FAM135B: variants seen among roughly 807,000 people sequenced by gnomAD.
The protein encoded by FAM135B is protein FAM135B.
In FAM135B, 43 loss-of-function variants were observed where a neutral mutation model predicts 127.7. That is an observed-to-expected ratio of 0.34 (90% CI 0.26 to 0.43). The LOEUF (loss-of-function observed/expected upper bound fraction) is 0.43. Ranked by LOEUF, FAM135B falls within the 20% of genes least tolerant of loss-of-function variation. The pLI, the probability that FAM135B is intolerant of heterozygous loss-of-function variation, is 1.00. For missense variants in FAM135B, 1,558 were observed against 1,725.6 expected (o/e 0.90, Z 1.72); for synonymous variants, 670 against 665.1 (o/e 1.01, Z -0.11).
intron 7 of FAM135B, among the ~76,000 whole-genome samples, chr8:138,201,847 T>C (rs1817145601): frequency 6.6e-6 from 1 of 152,154 alleles, no homozygotes; most frequent in African/African-American, 2.4e-5. Context: ...ACCTCTCCAC[T>C]GAGTGCAGTG....
chr8:138,431,149 C>T (rs1306950469), intron 1 of FAM135B, among the ~76,000 whole-genome samples: 1 of 152,140 alleles, frequency 6.6e-6, no homozygotes, highest in African/African-American at 2.4e-5. Context: ...TGGGGAAAAT[C>T]AAACTAAAAT....
chr8:138,441,846 A>G (rs1447551029), intron 1 of FAM135B: 1 of 152,012 alleles, frequency 6.6e-6, no homozygotes, highest in South Asian at 2.1e-4. Context: ...GAAGACTCAA[A>G]GAGTGCAGTC....
chr8:138,185,169 T>C (rs2131034764), intron 9 of FAM135B, among the ~76,000 whole-genome samples: 1 of 152,158 alleles, frequency 6.6e-6, no homozygotes, highest in South Asian at 2.1e-4. Flanking sequence ...GTTTCCCCAC[T>C]AGGAATCAGG....
chr8:138,385,508 G>T (rs1832143247), intron 1 of FAM135B, among the ~76,000 whole-genome samples: 1 of 152,132 alleles, frequency 6.6e-6, no homozygotes, highest in African/African-American at 2.4e-5. Context: ...CATTGAGAAA[G>T]AACATATTTA....
intron 1 of FAM135B, among the ~76,000 whole-genome samples, chr8:138,405,027 C>T (rs1304414): frequency 0.4 from 60,608 of 151,842 alleles, 12,561 homozygotes; most frequent in African/African-American, 0.52. Context: ...GGAATCACTA[C>T]CTATTGCAGC....
At chr8:138,250,189 C>A (rs1258610473) in intron 6 of FAM135B, among the ~76,000 whole-genome samples, 1 of 151,934 alleles carries the variant, frequency 6.6e-6, no homozygotes, top group African/African-American at 2.4e-5. Flanking sequence ...CCCGTCTCTA[C>A]TAAAAATACA....
chr8:138,378,686 T>G (rs16909021), intron 1 of FAM135B, among the ~76,000 whole-genome samples: 1 of 151,926 alleles, frequency 6.6e-6, no homozygotes, highest in Admixed American at 6.6e-5. Context: ...TGTTGAAAAG[T>G]ATTTTCTTTC....
intron 12 of FAM135B, among the ~76,000 whole-genome samples, chr8:138,166,150 T>G (rs1819899032): frequency 6.6e-6 from 1 of 152,174 alleles, no homozygotes; most frequent in Non-Finnish European, 1.5e-5. Context: ...TGCCTCAGAT[T>G]CTCTCTGTGG....
At chr8:138,395,868 A>G (rs1832824080) in intron 1 of FAM135B, among the ~76,000 whole-genome samples, 1 of 152,174 alleles carries the variant, frequency 6.6e-6, no homozygotes, top group Admixed American at 6.5e-5. Flanking sequence ...TACCTTCTTT[A>G]TATGTCTGTG....
intron 6 of FAM135B, among the ~76,000 whole-genome samples, chr8:138,250,245 C>T (rs1454480817): frequency 7.9e-5 from 12 of 151,954 alleles, no homozygotes; most frequent in African/African-American, 2.9e-4. Context: ...CCCAGCCACT[C>T]GGGAGGCTGA....
chr8:138,249,787 C>A (rs894836956), intron 6 of FAM135B, among the ~76,000 whole-genome samples: 16 of 152,308 alleles, frequency 1.1e-4, no homozygotes, highest in African/African-American at 3.6e-4. Context: ...AAAGGGAAAT[C>A]AGGAAAGATC....
chr8:138,387,543 C>T (rs573727465), intron 1 of FAM135B, among the ~76,000 whole-genome samples: 2 of 152,292 alleles, frequency 1.3e-5, no homozygotes, highest in East Asian at 3.9e-4. Context: ...ACCTCACATT[C>T]TCCCATTGGA....
At chr8:138,303,962 C>T (rs1826060454) in intron 3 of FAM135B, among the ~76,000 whole-genome samples, 1 of 152,190 alleles carries the variant, frequency 6.6e-6, no homozygotes, top group Non-Finnish European at 1.5e-5. Context: ...ACCCTACTTC[C>T]TAATTGCTAT....
intron 3 of FAM135B, among the ~76,000 whole-genome samples, chr8:138,304,208 T>C (rs570096599): frequency 1.4e-4 from 22 of 152,168 alleles, no homozygotes; most frequent in Admixed American, 8.5e-4. Flanking sequence ...GGGAGCTGGG[T>C]TTCCATGACC....
At chr8:138,282,220 C>T (rs1280739125) in intron 3 of FAM135B, among the ~76,000 whole-genome samples, 1 of 152,144 alleles carries the variant, frequency 6.6e-6, no homozygotes, top group Non-Finnish European at 1.5e-5. Flanking sequence ...AATCTACCAT[C>T]CCAGAAGATA....
chr8:138,420,682 T>A (rs1356124326), intron 1 of FAM135B, among the ~76,000 whole-genome samples: 1 of 151,174 alleles, frequency 6.6e-6, no homozygotes, highest in African/African-American at 2.4e-5. Flanking sequence ...GACAAGTTGT[T>A]TCAACATACA....
At chr8:138,447,664 A>G (rs10094448) in intron 1 of FAM135B, among the ~76,000 whole-genome samples, 75,852 of 142,018 alleles carry the variant, frequency 0.53, 20,673 homozygotes, top group African/African-American at 0.64. Context: ...TGGGGTGGGG[A>G]TTGGGGGATG....
intron 1 of FAM135B, among the ~76,000 whole-genome samples, chr8:138,400,376 C>T (rs1314399766): frequency 1.3e-5 from 2 of 152,148 alleles, no homozygotes; most frequent in Admixed American, 6.6e-5. Context: ...GAATGCAGTG[C>T]CGTGGATCAA....
intron 7 of FAM135B, among the ~76,000 whole-genome samples, chr8:138,218,859 G>A (rs2129998871): frequency 6.6e-6 from 1 of 151,792 alleles, no homozygotes; most frequent in Middle Eastern, 3.4e-3. Flanking sequence ...CATCAGACAA[G>A]GCAACGCAGC....
Sources: allele counts gnomAD v4.1 joint callset (sites outside exome capture counted in the v4.1 genomes callset), GRCh38; gene constraint gnomAD v4.1.1; transcripts MANE v1.5; gene names NCBI Gene and HGNC (gene_info 2026-07-23, HGNC 2026-07-21).